The following PLEK variants were observed in gnomAD, a reference collection of about 807,000 sequenced individuals.
PLEK encodes the protein pleckstrin.
In PLEK, 25 loss-of-function variants were observed where a neutral mutation model predicts 43.9. The observed-to-expected ratio is 0.57, with a 90% CI of 0.41 to 0.79. PLEK has a LOEUF of 0.79. PLEK is among the 30% of genes least tolerant of loss of function. PLEK has a pLI of 0.00. For synonymous variants in PLEK, 152 were observed against 144.4 expected, an observed-to-expected ratio of 1.05 and a Z score of -0.38; for missense variants, 396 against 413.3, an observed-to-expected ratio of 0.96 and a Z score of 0.36.
intron 6 of PLEK, 151 bp from the exon 7 acceptor site, chr2:68,393,011 G>C: frequency 1.5e-6 from 1 of 662,718 alleles, no homozygotes; most frequent in South Asian, 1.8e-5. Context: ...CCCTGACAAA[G>C]ACCTAGGCCG....
At chr2:68,380,532 T>A (rs750308388) in intron 2 of PLEK, 49 bp downstream of exon 2, 5 of 1,577,880 alleles carry the variant, frequency 3.2e-6, no homozygotes, top group Non-Finnish European at 4.3e-6. Flanking sequence ...GGCACTCAAC[T>A]TTTGGTGCAA....
intron 7 of PLEK, 33 bp from the exon 8 acceptor site, chr2:68,394,074 G>A: frequency 6.9e-7 from 1 of 1,454,892 alleles, no homozygotes; most frequent in Non-Finnish European, 9.7e-7. Flanking sequence ...TCTGCATTTT[G>A]GAAACATAAT....
chr2:68,373,552 A>G (rs910767584), intron 1 of PLEK, among the ~76,000 whole-genome samples: 10 of 151,326 alleles, frequency 6.6e-5, no homozygotes, highest in Non-Finnish European at 1.3e-4. Flanking sequence ...CGTTGTGCAC[A>G]TGTACCCTAA....
intron 1 of PLEK, among the ~76,000 whole-genome samples, chr2:68,375,385 C>T (rs1485935148): frequency 1.3e-5 from 2 of 152,114 alleles, no homozygotes; most frequent in African/African-American, 4.8e-5. Context: ...ATTATTTGTA[C>T]TTTTCTTATT....
intron 2 of PLEK, 78 bp downstream of exon 2, chr2:68,380,561 G>A (rs1673592743): frequency 2.7e-6 from 4 of 1,489,924 alleles, no homozygotes; most frequent in African/African-American, 2.8e-5. Flanking sequence ...TACAATGTGG[G>A]TGGTGCTCCT....
chr2:68,393,288 C>T, intron 7 of PLEK, 43 bp downstream of exon 7: 2 of 1,250,428 alleles, frequency 1.6e-6, no homozygotes, highest in Non-Finnish European at 2.4e-6. Context: ...TAAATAAATC[C>T]ACTGCATTTA....
intron 4 of PLEK, among the ~76,000 whole-genome samples, chr2:68,385,259 T>A (rs1673714488): frequency 6.6e-6 from 1 of 152,260 alleles, no homozygotes; most frequent in Non-Finnish European, 1.5e-5. Flanking sequence ...TTTTTTGTTG[T>A]AAGAACAAAC....
At chr2:68,380,639 G>A in intron 2 of PLEK, 84 bp from the exon 3 acceptor site, 1 of 1,482,324 alleles carries the variant, frequency 6.7e-7, no homozygotes, top group East Asian at 2.3e-5. Flanking sequence ...GCTAGAAGAG[G>A]TTTAGGCCAA....
intron 1 of PLEK, among the ~76,000 whole-genome samples, chr2:68,379,364 T>C (rs1454064657): frequency 6.6e-6 from 1 of 152,164 alleles, no homozygotes; most frequent in Non-Finnish European, 1.5e-5. Flanking sequence ...TAATTCTTTC[T>C]CCAATTCTGA....
intron 1 of PLEK, among the ~76,000 whole-genome samples, chr2:68,375,523 G>C (rs2103764344): frequency 6.6e-6 from 1 of 152,326 alleles, no homozygotes; most frequent in African/African-American, 2.4e-5. Flanking sequence ...AAATAATCCA[G>C]TGTTCGTCTG....
intron 1 of PLEK, among the ~76,000 whole-genome samples, chr2:68,378,198 C>G (rs1324334183): frequency 2.6e-5 from 4 of 152,156 alleles, no homozygotes; most frequent in Non-Finnish European, 5.9e-5. Context: ...TTATCTCTCT[C>G]TTAGCAAACA....
chr2:68,371,845 T>A (rs2103759640), intron 1 of PLEK, among the ~76,000 whole-genome samples: 1 of 152,312 alleles, frequency 6.6e-6, no homozygotes, highest in African/African-American at 2.4e-5. Flanking sequence ...AGAGCTCCTT[T>A]TTTCCCACAT....
chr2:68,381,055 G>A, intron 3 of PLEK, 151 bp downstream of exon 3: 1 of 699,200 alleles, frequency 1.4e-6, no homozygotes, highest in Non-Finnish European at 2.4e-6. Context: ...ATGTTTACCT[G>A]GGTCTGAAGG....
At chr2:68,395,192 TAC>T (rs1200759836) in intron 8 of PLEK, among the ~76,000 whole-genome samples, 1 of 150,526 alleles carries the variant, frequency 6.6e-6, no homozygotes. Context: ...TATATATATA[TAC>T]ACACACACAT....
At chr2:68,394,398 C>T (rs1673918158) in intron 8 of PLEK, among the ~76,000 whole-genome samples, 1 of 152,142 alleles carries the variant, frequency 6.6e-6, no homozygotes, top group Admixed American at 6.5e-5. Context: ...GTGGTGAAAC[C>T]CCATCTCTAC....
Position 68,393,222 on chromosome 2 carries a change from C to T in PLEK, c.823C>T (p.Leu275=), listed in dbSNP as rs1673894788. Residue 275 remains leucine (L), a synonymous_variant, in exon 7 of 9, where the codon CTG becomes TTG. Transcript: ENST00000234313. Reference sequence around the variant, plus strand: ...CATCTTGAGAGAAGACCCTGCCTACCTGCACTACTATGACCCTGCTGGGGT... The same window carrying T: ...CATCTTGAGAGAAGACCCTGCCTACTTGCACTACTATGACCCTGCTGGGGT... ...KFILREDPAY[L]HYYDPAGAED... is the part of the protein sequence containing the mutation. 1 of 1,610,856 alleles carries T rather than the reference C, an allele frequency of 6.2e-7. No individual in the cohort carries two copies. Among genetic ancestry groups the T allele is most frequent in the Non-Finnish European group, 8.5e-7 (1 of 1,176,996 alleles).
intron 7 of PLEK, 127 bp from the exon 8 acceptor site, chr2:68,393,977 CCTT>C: frequency 1.5e-6 from 1 of 656,008 alleles, no homozygotes; most frequent in Non-Finnish European, 2.8e-6. Context: ...TCTTTAATCT[CCTT>C]CTGCTCTTAC....
chr2:68,386,094 TTTG>T (rs1673736588), intron 4 of PLEK, among the ~76,000 whole-genome samples: 1 of 151,558 alleles, frequency 6.6e-6, no homozygotes, highest in Non-Finnish European at 1.5e-5. Flanking sequence ...TTATTTTATT[TTTG>T]TTTTTATTTA....
At chr2:68,371,007 T>G (rs1239958950) in intron 1 of PLEK, among the ~76,000 whole-genome samples, 1 of 152,196 alleles carries the variant, frequency 6.6e-6, no homozygotes, top group Non-Finnish European at 1.5e-5. Context: ...TTATTATTTT[T>G]TGGCTTTCAA....
Sources: gnomAD v4.1 joint callset for allele counts (sites outside exome capture counted in the v4.1 genomes callset) on GRCh38, gnomAD v4.1.1 for gene constraint, MANE v1.5 for transcripts, NCBI Gene and HGNC (gene_info 2026-07-23, HGNC 2026-07-21) for gene names.